Variants in PCDH9 observed in about 807,000 individuals in gnomAD.
PCDH9 encodes protocadherin-9.
A neutral mutation model predicts 70.6 loss-of-function variants in PCDH9; 24 were observed. That is an observed-to-expected ratio of 0.34 (90% CI 0.25 to 0.48). The LOEUF is 0.48. Among genes scored for constraint, PCDH9 ranks in the 20% least tolerant of loss-of-function variants. The pLI is 0.99. For missense variants in PCDH9, 1,281 were observed against 1,503.6 expected, an observed-to-expected ratio of 0.85 and a Z score of 2.45; for synonymous variants, 562 against 558.5, an observed-to-expected ratio of 1.01 and a Z score of -0.09.
intron 2 of PCDH9, among the ~76,000 whole-genome samples, chr13:67,093,110 G>T (rs1459383705): frequency 1.3e-5 from 2 of 152,114 alleles, no homozygotes; most frequent in African/African-American, 4.8e-5. Flanking sequence ...TATAAAGGAA[G>T]TTTAATTATA....
chr13:66,823,035 C>T (rs1004742680), intron 3 of PCDH9, among the ~76,000 whole-genome samples: 3 of 151,422 alleles, frequency 2.0e-5, no homozygotes, highest in Admixed American at 6.6e-5. Context: ...TTTTAGATAT[C>T]GTAATACATA....
At chr13:66,985,310 T>C (rs1020402084) in intron 2 of PCDH9, among the ~76,000 whole-genome samples, 5 of 152,144 alleles carry the variant, frequency 3.3e-5, no homozygotes, top group Non-Finnish European at 7.4e-5. Context: ...CCTTTGGGCA[T>C]GTGTAGCCTG....
chr13:66,580,895 T>A (rs2138779876), intron 4 of PCDH9, among the ~76,000 whole-genome samples: 1 of 152,206 alleles, frequency 6.6e-6, no homozygotes, highest in East Asian at 1.9e-4. Flanking sequence ...AAGATAGAAG[T>A]AACTATGAAA....
intron 4 of PCDH9, among the ~76,000 whole-genome samples, chr13:66,598,059 T>TA (rs1566446261): frequency 6.6e-6 from 1 of 151,744 alleles, no homozygotes; most frequent in African/African-American, 2.4e-5. Context: ...GTCATTATTT[T>TA]AAAAAAGAAA....
chr13:66,566,604 T>C (rs2076655628), intron 4 of PCDH9, among the ~76,000 whole-genome samples: 3 of 152,212 alleles, frequency 2.0e-5, no homozygotes, highest in South Asian at 2.1e-4. Flanking sequence ...AAAATCACTA[T>C]ATATTTTACA....
intron 2 of PCDH9, among the ~76,000 whole-genome samples, chr13:67,076,489 C>T (rs2085880101): frequency 6.6e-6 from 1 of 151,944 alleles, no homozygotes; most frequent in African/African-American, 2.4e-5. Flanking sequence ...ACAAGATTTG[C>T]AAAAAATAAG....
chr13:66,728,314 G>T (rs895850670), intron 3 of PCDH9, among the ~76,000 whole-genome samples: 1 of 151,936 alleles, frequency 6.6e-6, no homozygotes, highest in African/African-American at 2.4e-5. Context: ...ATCATTTTTT[G>T]TTCCTCATTC....
chr13:66,388,449 C>G (rs1435283966), intron 4 of PCDH9, among the ~76,000 whole-genome samples: 1 of 151,954 alleles, frequency 6.6e-6, no homozygotes, highest in Non-Finnish European at 1.5e-5. Context: ...TTTTTTCCTT[C>G]TAGAAGCCTC....
chr13:67,080,398 C>A (rs181745138), intron 2 of PCDH9, among the ~76,000 whole-genome samples: 1 of 152,246 alleles, frequency 6.6e-6, no homozygotes, highest in Admixed American at 6.5e-5. Flanking sequence ...TTTCAGAACA[C>A]CAACTTTGGA....
rs577539781 is a variant in PCDH9 at position 67,127,850 on chromosome 13, C to T, written c.3036+97555G>A. 5.3e-5 allele frequency among the ~76,000 whole-genome samples: 8 copies of T among 151,830 alleles called. No homozygotes were observed. The East Asian group carries it at 1.4e-3, about 26-fold the overall frequency. ...CTGGAGATGGGAGCACTTTTTTGTC[C>T]ATAAAGTTAATTTGCAAATCAGGTG... On this transcript the variant is annotated intron_variant, in intron 2 of 4. Transcript: ENST00000377865.
At chr13:66,931,249 G>T (rs1481232199) in intron 2 of PCDH9, among the ~76,000 whole-genome samples, 2 of 151,850 alleles carry the variant, frequency 1.3e-5, no homozygotes, top group Non-Finnish European at 2.9e-5. Context: ...ACCTTTTTCT[G>T]CTTTGTTCAT....
chr13:66,331,341 G>A (rs1380065361), intron 4 of PCDH9, among the ~76,000 whole-genome samples: 1 of 152,096 alleles, frequency 6.6e-6, no homozygotes, highest in Admixed American at 6.6e-5. Flanking sequence ...TGAGATGAAG[G>A]TTGGCCAACA....
intron 3 of PCDH9, among the ~76,000 whole-genome samples, chr13:66,795,628 T>C (rs1192222164): frequency 1.3e-5 from 2 of 152,174 alleles, no homozygotes; most frequent in Non-Finnish European, 2.9e-5. Flanking sequence ...TCTTTCTATA[T>C]AAGATATTCT....
At chr13:66,826,791 G>A (rs914161974) in intron 3 of PCDH9, among the ~76,000 whole-genome samples, 8 of 152,166 alleles carry the variant, frequency 5.3e-5, no homozygotes, top group African/African-American at 1.9e-4. Flanking sequence ...AGACTTAAAG[G>A]ATGAGACTAA....
chr13:66,383,369 G>A (rs1438006582), intron 4 of PCDH9, among the ~76,000 whole-genome samples: 1 of 152,150 alleles, frequency 6.6e-6, no homozygotes, highest in African/African-American at 2.4e-5. Flanking sequence ...TGAGTGCTTG[G>A]TGTTCATGTT....
chr13:66,481,029 A>T (rs1307928876), intron 4 of PCDH9, among the ~76,000 whole-genome samples: 2 of 152,102 alleles, frequency 1.3e-5, no homozygotes, highest in African/African-American at 4.8e-5. Context: ...ATGAAGCTGG[A>T]AATCATCAGC....
intron 3 of PCDH9, among the ~76,000 whole-genome samples, chr13:66,892,827 G>A (rs527881386): frequency 5.3e-5 from 8 of 152,082 alleles, no homozygotes; most frequent in South Asian, 2.1e-4. Flanking sequence ...ATACCTTTAC[G>A]TCTTTCATAA....
intron 2 of PCDH9, among the ~76,000 whole-genome samples, chr13:67,168,718 G>C (rs1252463405): frequency 6.6e-6 from 1 of 152,210 alleles, no homozygotes; most frequent in South Asian, 2.1e-4. Context: ...CTGGGCAACA[G>C]AGCAAGATCC....
chr13:66,677,222 T>C (rs1249952868), intron 3 of PCDH9, among the ~76,000 whole-genome samples: 1 of 152,064 alleles, frequency 6.6e-6, no homozygotes, highest in Non-Finnish European at 1.5e-5. Flanking sequence ...ATCTAATCAA[T>C]GGGAAATTTC....
Sources: allele counts gnomAD v4.1 joint callset (sites outside exome capture counted in the v4.1 genomes callset), GRCh38; gene constraint gnomAD v4.1.1; transcripts MANE v1.5; gene names NCBI Gene and HGNC (gene_info 2026-07-23, HGNC 2026-07-21).